Variants in SSH1 observed in about 807,000 individuals in gnomAD.
SSH1 encodes the protein protein phosphatase Slingshot homolog 1.
In SSH1, 43 loss-of-function variants were observed where a neutral mutation model predicts 79.7. That is an observed-to-expected ratio of 0.54 (90% CI 0.42 to 0.70). The LOEUF is 0.70. Ranked by LOEUF, SSH1 falls within the 30% of genes least tolerant of loss-of-function variation. The pLI is 0.00. For synonymous variants in SSH1, 599 were observed against 538.3 expected (o/e 1.11, Z -1.56); for missense variants, 1,206 against 1,358.8 (o/e 0.89, Z 1.77).
At chr12:108,792,967 CCTCT>C in intron 13 of SSH1, 138 bp from the exon 14 acceptor site, 1 of 1,007,804 alleles carries the variant, frequency 9.9e-7, no homozygotes, top group Non-Finnish European at 1.5e-6. Context: ...TCAGGTAAAG[CCTCT>C]CTCTGTTCAT....
chr12:108,785,468 A>T lies in SSH1; in HGVS notation c.*2520T>A, dbSNP rs964984932. On this transcript the variant is annotated 3_prime_UTR_variant, in exon 15 of 15. Transcript: ENST00000326495. The stretch of plus-strand genomic sequence containing the variant: ...AGCCATGTGCCATCTGTTTACATGC[A>T]ACTGATCTGGGTTTCCAAAAATAAA... 3 of 152,216 alleles carry T rather than the reference A, an allele frequency of 2.0e-5. No homozygotes were observed. Among genetic ancestry groups the T allele is most frequent in the African/African-American group, 7.2e-5 (3 of 41,456 alleles). 9.4% of individuals were successfully genotyped at this position (152,216 alleles called of 1,614,324 possible).
chr12:108,841,830 A>ATG (rs199833761), intron 2 of SSH1, among the ~76,000 whole-genome samples: 25 of 114,234 alleles, frequency 2.2e-4, no homozygotes, highest in South Asian at 9.8e-4. Context: ...AAAAGTATAT[A>ATG]TGTGTGTGTG....
intron 12 of SSH1, among the ~76,000 whole-genome samples, chr12:108,800,277 T>C (rs1190260564): frequency 5.3e-5 from 8 of 152,152 alleles, no homozygotes; most frequent in African/African-American, 1.9e-4. Flanking sequence ...GGGCTGGCCA[T>C]GACCTCCAAC....
intron 1 of SSH1, chr12:108,853,057 G>C (rs753587139): frequency 4.1e-6 from 4 of 985,218 alleles, no homozygotes; most frequent in Non-Finnish European, 4.8e-6. Flanking sequence ...TGTTTAAAGA[G>C]AATCCACTTC....
chr12:108,851,871 T>C (rs2039046351), intron 2 of SSH1, among the ~76,000 whole-genome samples: 1 of 150,756 alleles, frequency 6.6e-6, no homozygotes, highest in Non-Finnish European at 1.5e-5. Flanking sequence ...GATTATTACT[T>C]TTTTTTTTAA....
chr12:108,836,507 C>G (rs1455238926), intron 2 of SSH1, among the ~76,000 whole-genome samples: 1 of 152,182 alleles, frequency 6.6e-6, no homozygotes, highest in Admixed American at 6.5e-5. Flanking sequence ...CAGAAGCCAG[C>G]CTGGATGAGA....
rs1052330098 is a variant in SSH1, at chr12:108,787,101, G to C, written c.*887C>G. On this transcript the variant is annotated 3_prime_UTR_variant, in exon 15 of 15. Transcript: ENST00000326495. ...GCATCTGGGCTCTCAGCAGGACGAT[G>C]TGTCTCAGAACCACCACCTGAGCCA... The C allele has an allele frequency of 6.6e-6, 1 of 152,232 alleles. No homozygotes were observed. The highest frequency in any genetic ancestry group is 1.5e-5 in the Non-Finnish European group (1 of 68,050). The allele number at this position is 152,232 out of a possible 1,614,324, so 9.4% of individuals were successfully genotyped here.
intron 1 of SSH1, among the ~76,000 whole-genome samples, chr12:108,856,499 A>C (rs1381776822): frequency 6.6e-6 from 1 of 152,212 alleles, no homozygotes; most frequent in African/African-American, 2.4e-5. Flanking sequence ...CCACACAGAA[A>C]GATAGATGCA....
At chr12:108,812,002 T>G (rs912191296) in intron 5 of SSH1, among the ~76,000 whole-genome samples, 3 of 152,222 alleles carry the variant, frequency 2.0e-5, no homozygotes, top group African/African-American at 7.2e-5. Flanking sequence ...CCATCTCTGC[T>G]GCTGCCAACA....
At chr12:108,851,429 C>T (rs2039037308) in intron 2 of SSH1, among the ~76,000 whole-genome samples, 1 of 152,116 alleles carries the variant, frequency 6.6e-6, no homozygotes, top group Non-Finnish European at 1.5e-5. Flanking sequence ...ATTAATTTTC[C>T]TTCCCCTCAT....
At chr12:108,800,042 G>A (rs191106169) in intron 12 of SSH1, among the ~76,000 whole-genome samples, 7 of 152,274 alleles carry the variant, frequency 4.6e-5, no homozygotes, top group South Asian at 2.1e-4. Context: ...TGAAGTTTCC[G>A]TCAAGGGAGT....
Position 108,813,980 on chromosome 12 carries a change from A to G in SSH1, c.402-2652T>C, listed in dbSNP as rs141588079. On this transcript the variant is annotated intron_variant, in intron 5 of 14. Transcript: ENST00000326495. ...GGCTCACGCCTGTAATCCCAGCACTATGGGAGGCCGAGGAGGGTGGATCAC... is the reference window on the plus strand; with the variant it reads ...GGCTCACGCCTGTAATCCCAGCACTGTGGGAGGCCGAGGAGGGTGGATCAC... Among the ~76,000 whole-genome samples the G allele has an allele frequency of 3.1e-3, 474 of 152,040 alleles. 4 individuals carry two copies. Among genetic ancestry groups the G allele is most frequent in the African/African-American group, 0.01 (427 of 41,504 alleles).
chr12:108,817,205 G>A (rs749813814), intron 4 of SSH1, 46 bp from the exon 5 acceptor site: 1 of 1,608,996 alleles, frequency 6.2e-7, no homozygotes, highest in Non-Finnish European at 8.5e-7. Flanking sequence ...TTTGGAGGTG[G>A]TGCCTCCCTC....
At chr12:108,853,892 C>G (rs1428491135) in intron 1 of SSH1, among the ~76,000 whole-genome samples, 1 of 151,452 alleles carries the variant, frequency 6.6e-6, no homozygotes, top group African/African-American at 2.4e-5. Flanking sequence ...CCACTGCACT[C>G]CAGCCTGGTG....
At chr12:108,830,188 ACGCC>A (rs2038439577) in intron 2 of SSH1, among the ~76,000 whole-genome samples, 1 of 152,190 alleles carries the variant, frequency 6.6e-6, no homozygotes, top group Admixed American at 6.5e-5. Flanking sequence ...ATGGTGGCTC[ACGCC>A]TGTAATCCTG....
chr12:108,808,821 CTTTTTTTTTTTTTT>C (rs148110288), intron 7 of SSH1, among the ~76,000 whole-genome samples: 1 of 80,228 alleles, frequency 1.2e-5, no homozygotes, highest in Admixed American at 1.4e-4. Context: ...TCTTTTACTT[CTTTTTTTTTTTTTT>C]TTTTTTTTTT....
intron 1 of SSH1, among the ~76,000 whole-genome samples, chr12:108,856,531 G>A (rs548493952): frequency 1.3e-5 from 2 of 152,310 alleles, no homozygotes; most frequent in South Asian, 4.1e-4. Context: ...AGGCCTGAGT[G>A]ATGTTACAGA....
At position 108,786,997 on chromosome 12, in the gene SSH1, CAT is replaced by C. The variant is rs1160503661; in HGVS notation, c.*989_*990del. On this transcript the variant is annotated 3_prime_UTR_variant, in exon 15 of 15. Transcript: ENST00000326495. ...GGGGCAACTGTAGACATCCGGGAAGCATCCCGACAGTCCCGTTCCTTTCGGGG... is the reference window on the plus strand; with the variant it reads ...GGGGCAACTGTAGACATCCGGGAAGCCCCGACAGTCCCGTTCCTTTCGGGG... 1.3e-5 allele frequency: 2 copies of C among 152,226 alleles called. No individual in the cohort carries two copies. The highest frequency in any genetic ancestry group is 4.8e-5 in the African/African-American group (2 of 41,462). The allele number at this position is 152,226 out of a possible 1,614,324, so 9.4% of individuals were successfully genotyped here.
chr12:108,835,307 G>A (rs2038574184), intron 2 of SSH1, among the ~76,000 whole-genome samples: 1 of 152,192 alleles, frequency 6.6e-6, no homozygotes, highest in African/African-American at 2.4e-5. Context: ...CGAGCGTGGT[G>A]TCGTGCTCCT....
Sources: gnomAD v4.1 joint callset for allele counts (sites outside exome capture counted in the v4.1 genomes callset) on GRCh38, gnomAD v4.1.1 for gene constraint, MANE v1.5 for transcripts, NCBI Gene and HGNC (gene_info 2026-07-23, HGNC 2026-07-21) for gene names.